ANK3: variants seen among roughly 807,000 people sequenced by gnomAD.
The protein encoded by ANK3 is ankyrin 3.
ANK3 carries 57 observed loss-of-function variants against 370.9 expected under a neutral mutation model. The ratio of observed to expected loss-of-function variants is 0.15; its 90% CI spans 0.12 to 0.19. The LOEUF is 0.19. Ranked by LOEUF, ANK3 falls within the 10% of genes least tolerant of loss-of-function variation. The probability of loss-of-function intolerance (pLI) is 1.00; values close to 1 mark genes in which losing one functional copy is unlikely to be tolerated. For missense variants in ANK3, 4,439 were observed against 5,302.1 expected, an observed-to-expected ratio of 0.84 and a Z score of 5.06; for synonymous variants, 1,929 against 1,946.3, an observed-to-expected ratio of 0.99 and a Z score of 0.23.
intron 1 of ANK3, among the ~76,000 whole-genome samples, chr10:60,333,102 T>C (rs919722547): frequency 7.9e-5 from 12 of 152,120 alleles, no homozygotes; most frequent in Non-Finnish European, 1.6e-4. Context: ...ATGGGACATA[T>C]GGATATACAT....
intron 1 of ANK3, among the ~76,000 whole-genome samples, chr10:60,324,021 A>G (rs2049242329): frequency 6.6e-6 from 1 of 152,178 alleles, no homozygotes; most frequent in Non-Finnish European, 1.5e-5. Context: ...GGAAGCAATG[A>G]ATGTGAGCAA....
At chr10:60,664,265 A>T (rs1404209929) in intron 1 of ANK3, among the ~76,000 whole-genome samples, 1 of 152,256 alleles carries the variant, frequency 6.6e-6, no homozygotes, top group Non-Finnish European at 1.5e-5. Flanking sequence ...GGCAAACTGT[A>T]AAAGAGATTT....
chr10:60,158,410 C>T (rs1373935933), intron 23 of ANK3, among the ~76,000 whole-genome samples: 3 of 152,098 alleles, frequency 2.0e-5, no homozygotes, highest in Admixed American at 1.3e-4. Flanking sequence ...AAAATAATAA[C>T]TAGAGCAACT....
chr10:60,134,504 C>T (rs1042476166), intron 24 of ANK3, 131 bp from the exon 25 acceptor site: 1 of 606,938 alleles, frequency 1.6e-6, no homozygotes, highest in South Asian at 2.6e-5. Context: ...CTTGAAAGGA[C>T]ATAGTGAAAA....
chr10:60,488,808 A>C (rs2075416720), intron 2 of ANK3, among the ~76,000 whole-genome samples: 1 of 152,210 alleles, frequency 6.6e-6, no homozygotes, highest in Admixed American at 6.5e-5. Flanking sequence ...AGAAAAGATG[A>C]GTCTTGATAA....
intron 2 of ANK3, among the ~76,000 whole-genome samples, chr10:60,469,782 T>G (rs1359659469): frequency 2.7e-5 from 4 of 149,854 alleles, no homozygotes; most frequent in Admixed American, 6.8e-5. Flanking sequence ...TTTACTAACA[T>G]TAAAGACTGG....
At chr10:60,082,320 C>A in intron 34 of ANK3, 144 bp from the exon 35 acceptor site, 1 of 802,734 alleles carries the variant, frequency 1.2e-6, no homozygotes, top group Non-Finnish European at 2.0e-6. Flanking sequence ...AAAAAGCCAA[C>A]AAAAAATATC....
exon 1 of ANK3, chr10:60,733,360 T>C (rs2080055632): frequency 1.6e-6 from 2 of 1,229,954 alleles, no homozygotes; most frequent in Non-Finnish European, 2.0e-6. Context: ...GGAACTCCAG[T>C]CTCTCCTCCC....
At chr10:60,572,663 T>C (rs1166374118) in intron 2 of ANK3, 2 of 1,443,998 alleles carry the variant, frequency 1.4e-6, no homozygotes, top group Non-Finnish European at 9.0e-7. Context: ...AGCCGCTGCT[T>C]AAACCCAGCC....
At chr10:60,082,229 G>A (rs1314422648) in intron 34 of ANK3, 53 bp from the exon 35 acceptor site, 2 of 1,476,028 alleles carry the variant, frequency 1.4e-6, no homozygotes, top group African/African-American at 1.4e-5. Context: ...ATGGACAGCA[G>A]GGAAAAGAAT....
At chr10:60,538,991 C>T (rs2076786302) in intron 2 of ANK3, among the ~76,000 whole-genome samples, 1 of 151,796 alleles carries the variant, frequency 6.6e-6, no homozygotes, top group Admixed American at 6.6e-5. Flanking sequence ...ACATAGCGCA[C>T]AGTAATCTCT....
intron 1 of ANK3, among the ~76,000 whole-genome samples, chr10:60,385,141 T>C (rs1051837599): frequency 1.3e-5 from 2 of 152,166 alleles, no homozygotes; most frequent in South Asian, 4.1e-4. Context: ...CTATGCAAGA[T>C]GGCATATGAA....
intron 1 of ANK3, among the ~76,000 whole-genome samples, chr10:60,697,288 T>C (rs890225457): frequency 2.5e-4 from 38 of 151,836 alleles, no homozygotes; most frequent in African/African-American, 8.7e-4. Flanking sequence ...TCCATGCTCA[T>C]GGGTAGGAAA....
chr10:60,699,145 C>T (rs896321404), intron 1 of ANK3, among the ~76,000 whole-genome samples: 3 of 151,330 alleles, frequency 2.0e-5, no homozygotes, highest in Non-Finnish European at 4.4e-5. Flanking sequence ...TGGGAGGGGA[C>T]GAGGGGTAGA....
chr10:60,192,930 T>C (rs1233664610), intron 16 of ANK3, among the ~76,000 whole-genome samples: 2 of 151,924 alleles, frequency 1.3e-5, no homozygotes. Flanking sequence ...CATGAGAAAA[T>C]GGAGGCTCAT....
chr10:60,498,711 C>A (rs2075721790), intron 2 of ANK3, among the ~76,000 whole-genome samples: 1 of 152,172 alleles, frequency 6.6e-6, no homozygotes, highest in South Asian at 2.1e-4. Flanking sequence ...TTTTAATGCA[C>A]ACACTAACTC....
chr10:60,651,281 G>C (rs1296353299), intron 1 of ANK3, among the ~76,000 whole-genome samples: 1 of 152,142 alleles, frequency 6.6e-6, no homozygotes, highest in Admixed American at 6.6e-5. Context: ...CAGATACTTT[G>C]TGTGTTCAAG....
chr10:60,580,932 T>C (rs1163790020), intron 2 of ANK3, among the ~76,000 whole-genome samples: 3 of 152,220 alleles, frequency 2.0e-5, no homozygotes, highest in Non-Finnish European at 4.4e-5. Context: ...GGGTCACATC[T>C]AGGTCCAGGC....
chr10:60,134,356 G>C lies in ANK3; in HGVS notation c.2756C>G (p.Ser919Trp). ...ARSASLRSFS[S>W]DRSYTLNRSS... ...TCTGTTCAAGGTGTAAGACCTATCC[G>C]AACTGAAGGAGCGGAGGCTGTTGTA... is the stretch of plus-strand genomic sequence containing the variant. The change falls in exon 25 of 44, where the codon TCG (serine) becomes TGG (tryptophan). Residue 919 changes from serine (S) to tryptophan (W), a missense_variant. This residue lies in a region of ANK3 where 702 missense variants were observed against 941.5 expected (regional missense o/e 0.75). Coordinates refer to ENST00000280772, the MANE Select transcript of ANK3 (RefSeq NM_020987.5). The C allele has an allele frequency of 6.2e-7, 1 of 1,613,230 alleles. No homozygotes were observed. The highest frequency in any genetic ancestry group is 1.7e-5 in the Admixed American group (1 of 59,882).
Sources: allele counts gnomAD v4.1 joint callset (sites outside exome capture counted in the v4.1 genomes callset), GRCh38; gene constraint gnomAD v4.1.1; regional missense constraint gnomAD v4.1.1; transcripts MANE v1.5; gene names NCBI Gene and HGNC (gene_info 2026-07-23, HGNC 2026-07-21).